LOC400499: variants seen among roughly 807,000 people sequenced by gnomAD.
the LOC400499 span, among the ~76,000 whole-genome samples, chr16:11,408,685 ACTC>A: frequency 0.03 from 4,539 of 151,372 alleles, 71 homozygotes; most frequent in Non-Finnish European, 0.034. Context: ...GCTGTTTTGA[ACTC>A]CTGAACTCTA....
the LOC400499 span, among the ~76,000 whole-genome samples, chr16:11,444,029 TG>T: frequency 1.3e-5 from 2 of 151,930 alleles, no homozygotes; most frequent in African/African-American, 4.8e-5. Context: ...TTAGTAGAGA[TG>T]GGGTTTTACC....
At chr16:11,481,543 G>A in the LOC400499 span, among the ~76,000 whole-genome samples, 92 of 152,272 alleles carry the variant, frequency 6.0e-4, 1 homozygote, top group African/African-American at 2.1e-3. Flanking sequence ...GGCTGGTCTC[G>A]AACTCCTCAT....
At chr16:11,432,846 A>G in the LOC400499 span, among the ~76,000 whole-genome samples, 1,172 of 152,338 alleles carry the variant, frequency 7.7e-3, 5 homozygotes, top group Non-Finnish European at 0.013. Flanking sequence ...ATTGGCTGCT[A>G]GGAAGCTCAG....
the LOC400499 span, among the ~76,000 whole-genome samples, chr16:11,411,496 T>G: frequency 6.6e-6 from 1 of 152,190 alleles, no homozygotes; most frequent in Non-Finnish European, 1.5e-5. Context: ...CCAAGGGCCA[T>G]ACGGTGCCCT....
At chr16:11,520,956 T>C in the LOC400499 span, among the ~76,000 whole-genome samples, 2 of 152,184 alleles carry the variant, frequency 1.3e-5, no homozygotes, top group Non-Finnish European at 2.9e-5. Flanking sequence ...GCAGCTTTTC[T>C]TAAGTGCTTA....
the LOC400499 span, among the ~76,000 whole-genome samples, chr16:11,376,008 G>C: frequency 6.6e-6 from 1 of 152,204 alleles, no homozygotes; most frequent in Non-Finnish European, 1.5e-5. Context: ...CAAAGTGCTG[G>C]AATCACAGGT....
At chr16:11,410,127 G>A in the LOC400499 span, among the ~76,000 whole-genome samples, 1 of 151,054 alleles carries the variant, frequency 6.6e-6, no homozygotes, top group Admixed American at 6.6e-5. Context: ...CTGGGTGACA[G>A]AGCAAGACCC....
the LOC400499 span, among the ~76,000 whole-genome samples, chr16:11,510,950 G>C: frequency 6.6e-6 from 1 of 151,196 alleles, no homozygotes; most frequent in Admixed American, 6.6e-5. Context: ...ATGTGAACCA[G>C]TGCTCACAGA....
At chr16:11,501,063 G>T in the LOC400499 span, 346 of 396,752 alleles carry the variant, frequency 8.7e-4, 1 homozygote, top group Admixed American at 1.5e-3. Context: ...AGAGAGGTAC[G>T]GTGCAGACAT....
chr16:11,418,044 G>C, the LOC400499 span, among the ~76,000 whole-genome samples: 1 of 152,214 alleles, frequency 6.6e-6, no homozygotes. Context: ...GGAGACCGTA[G>C]AGAAAACGCG....
At chr16:11,457,311 G>A in the LOC400499 span, among the ~76,000 whole-genome samples, 6 of 152,144 alleles carry the variant, frequency 3.9e-5, no homozygotes, top group East Asian at 1.9e-4. Context: ...ATTAAAGATC[G>A]GGCCGGGCAC....
chr16:11,488,610 C>T, the LOC400499 span: 1 of 394,592 alleles, frequency 2.5e-6, no homozygotes, highest in Non-Finnish European at 4.5e-6. Flanking sequence ...GACCCCTTGA[C>T]ACAACGTCTG....
the LOC400499 span, chr16:11,494,565 A>T: frequency 2.5e-6 from 1 of 396,262 alleles, no homozygotes; most frequent in African/African-American, 2.1e-5. Flanking sequence ...AGGACACTGG[A>T]TGTCCTCACC....
At chr16:11,397,107 G>T in the LOC400499 span, among the ~76,000 whole-genome samples, 1 of 152,138 alleles carries the variant, frequency 6.6e-6, no homozygotes, top group Non-Finnish European at 1.5e-5. Context: ...ACTGGAATGC[G>T]CCACCCAGGA....
At chr16:11,483,112 C>A in the LOC400499 span, among the ~76,000 whole-genome samples, 1 of 152,082 alleles carries the variant, frequency 6.6e-6, no homozygotes, top group Non-Finnish European at 1.5e-5. Context: ...CCACGAGATA[C>A]CACAACGCAT....
At chr16:11,439,016 A>T in the LOC400499 span, among the ~76,000 whole-genome samples, 1 of 152,024 alleles carries the variant, frequency 6.6e-6, no homozygotes, top group African/African-American at 2.4e-5. Flanking sequence ...TTACACCTCC[A>T]CATCCTTGAA....
At chr16:11,457,787 C>A in the LOC400499 span, among the ~76,000 whole-genome samples, 8 of 152,196 alleles carry the variant, frequency 5.3e-5, no homozygotes, top group African/African-American at 1.7e-4. Context: ...AACAGATGAA[C>A]GGATAAACAA....
At chr16:11,391,802 C>A in the LOC400499 span, 12 of 1,232,086 alleles carry the variant, frequency 9.7e-6, no homozygotes, top group African/African-American at 1.1e-4. Flanking sequence ...CCTCCCGCCC[C>A]GCCTGGGACA....
At chr16:11,407,800 A>G in the LOC400499 span, among the ~76,000 whole-genome samples, 1 of 152,144 alleles carries the variant, frequency 6.6e-6, no homozygotes, top group African/African-American at 2.4e-5. Flanking sequence ...AACAGGGATA[A>G]GGACACCTAT....
Sources: gnomAD v4.1 joint callset for allele counts (sites outside exome capture counted in the v4.1 genomes callset) on GRCh38, gnomAD v4.1.1 for gene constraint, MANE v1.5 for transcripts.